ADGRL4: variants seen among roughly 807,000 people sequenced by gnomAD.
The protein encoded by ADGRL4 is EGF, latrophilin and seven transmembrane domain containing 1.
ADGRL4 carries 90 observed loss-of-function variants against 74.8 expected under a neutral mutation model. The observed-to-expected ratio is 1.20, with a 90% CI of 1.02 to 1.43. The LOEUF (loss-of-function observed/expected upper bound fraction) is 1.43. ADGRL4 is among the 40% of genes most tolerant of loss of function. The pLI is 0.00. For missense variants in ADGRL4, 881 were observed against 814.3 expected, an observed-to-expected ratio of 1.08 and a Z score of -1.00; for synonymous variants, 311 against 279.2, an observed-to-expected ratio of 1.11 and a Z score of -1.14.
chr1:78,978,377 T>C (rs1306957557), intron 2 of ADGRL4, among the ~76,000 whole-genome samples: 1 of 151,910 alleles, frequency 6.6e-6, no homozygotes, highest in Non-Finnish European at 1.5e-5. Context: ...TTGTCTACCA[T>C]ATAGCTGACA....
chr1:78,949,271 C>G (rs541525068), intron 2 of ADGRL4, among the ~76,000 whole-genome samples: 1 of 152,090 alleles, frequency 6.6e-6, no homozygotes, highest in East Asian at 1.9e-4. Context: ...GTTGCTTAAC[C>G]CTGAAATATT....
chr1:78,901,585 A>C (rs1416261993), intron 12 of ADGRL4, among the ~76,000 whole-genome samples: 4 of 152,164 alleles, frequency 2.6e-5, no homozygotes. Context: ...TTGAGCCAGC[A>C]CCTGTTAAAC....
chr1:78,996,120 T>C (rs991810655), intron 2 of ADGRL4, among the ~76,000 whole-genome samples: 8 of 152,142 alleles, frequency 5.3e-5, no homozygotes, highest in Admixed American at 5.2e-4. Flanking sequence ...AAAGATAAAG[T>C]AGTGGTTAAA....
chr1:78,958,618 T>C (rs1649880776), intron 2 of ADGRL4, among the ~76,000 whole-genome samples: 1 of 152,184 alleles, frequency 6.6e-6, no homozygotes, highest in African/African-American at 2.4e-5. Flanking sequence ...GAGGAGTTGC[T>C]TCTTATGAAT....
intron 8 of ADGRL4, among the ~76,000 whole-genome samples, chr1:78,924,267 A>T (rs1049129814): frequency 6.6e-6 from 1 of 152,004 alleles, no homozygotes; most frequent in Non-Finnish European, 1.5e-5. Flanking sequence ...AGAAAAATAT[A>T]TTTGTGTGTG....
In ADGRL4 at chr1:78,893,171, C is replaced by T; in HGVS notation, c.1768G>A (p.Gly590Arg). The T allele has an allele frequency of 6.3e-7, 1 of 1,599,472 alleles. No individual in the cohort carries two copies. Among genetic ancestry groups the T allele is most frequent in the Non-Finnish European group, 8.5e-7 (1 of 1,173,590 alleles). ...CGAAAAACTTTGTATATGATGACTC[C>T]AAAAGCCAAGAGATTAACCTGGAAA... is the stretch of plus-strand genomic sequence containing the variant. Reference protein sequence around the residue: ...LIILVNLLAFGVIIYKVFRHT... With the variant: ...LIILVNLLAFRVIIYKVFRHT... Residue 590 changes from glycine to arginine, a missense_variant, in exon 13 of 15, where the codon GGA (glycine) becomes AGA (arginine). Transcript: ENST00000370742.
intron 2 of ADGRL4, among the ~76,000 whole-genome samples, chr1:78,995,553 T>C (rs939552532): frequency 2.0e-5 from 3 of 152,182 alleles, no homozygotes; most frequent in African/African-American, 7.2e-5. Flanking sequence ...TTAACACAAC[T>C]GTGTAATAAA....
At chr1:78,939,320 A>G in intron 3 of ADGRL4, 62 bp from the exon 4 acceptor site, 1 of 1,350,394 alleles carries the variant, frequency 7.4e-7, no homozygotes, top group Non-Finnish European at 9.7e-7. Context: ...TAAGCTGATC[A>G]TATCAATCCC....
At chr1:78,997,955 C>T (rs1650751555) in intron 2 of ADGRL4, among the ~76,000 whole-genome samples, 1 of 152,132 alleles carries the variant, frequency 6.6e-6, no homozygotes, top group Admixed American at 6.5e-5. Flanking sequence ...AGAGTTGCTT[C>T]CAGGCAGATG....
chr1:78,934,247 C>T (rs1003349796), intron 7 of ADGRL4, among the ~76,000 whole-genome samples: 1 of 151,898 alleles, frequency 6.6e-6, no homozygotes, highest in African/African-American at 2.4e-5. Flanking sequence ...GAAATAACAC[C>T]ACACATCTAC....
At chr1:78,998,200 G>A (rs1036374001) in intron 2 of ADGRL4, among the ~76,000 whole-genome samples, 2 of 151,284 alleles carry the variant, frequency 1.3e-5, no homozygotes, top group Admixed American at 1.3e-4. Context: ...ACGCTGCTTT[G>A]AGAATTTCAC....
chr1:78,946,510 A>ATT, intron 2 of ADGRL4, 84 bp from the exon 3 acceptor site: 3 of 1,162,630 alleles, frequency 2.6e-6, no homozygotes, highest in Non-Finnish European at 3.6e-6. Flanking sequence ...TGGAATATTG[A>ATT]CTGTTAGATA....
intron 10 of ADGRL4, among the ~76,000 whole-genome samples, chr1:78,918,318 C>T (rs1457321217): frequency 6.6e-6 from 1 of 151,724 alleles, no homozygotes; most frequent in Non-Finnish European, 1.5e-5. Context: ...ATATATTTAT[C>T]TTATGTGATA....
chr1:78,973,847 A>G (rs960297634), intron 2 of ADGRL4, among the ~76,000 whole-genome samples: 3 of 151,974 alleles, frequency 2.0e-5, no homozygotes, highest in Non-Finnish European at 4.4e-5. Context: ...CCCCTTTTCA[A>G]TAATGCCAGG....
rs1428122520 is a variant in ADGRL4 at position 78,927,053 on chromosome 1, C to T, written c.916G>A (p.Gly306Ser). The T allele has an allele frequency of 6.2e-7, 1 of 1,605,548 alleles. No homozygotes were observed. The highest frequency in any genetic ancestry group is 1.3e-5 in the African/African-American group (1 of 74,640). ...TTGTCAGATGATGAAAGCAAAGGAC[C>T]AATACTCTTATAATATACAAATGCA... ...AVAFVYYKSI[G>S]PLLSSSDNFL... Residue 306 changes from glycine (G) to serine (S), a missense_variant, in exon 8 of 15, where the codon GGT (glycine) becomes AGT (serine). Gly to Ser is a moderately conservative substitution (Grantham distance 56, BLOSUM62 0). Transcript: ENST00000370742.
intron 2 of ADGRL4, among the ~76,000 whole-genome samples, chr1:78,959,461 A>G (rs1459151065): frequency 3.9e-5 from 6 of 152,278 alleles, no homozygotes; most frequent in African/African-American, 1.4e-4. Context: ...ATAGTTTTTA[A>G]ACCGGACTCA....
At chr1:78,960,442 A>C (rs1649927118) in intron 2 of ADGRL4, among the ~76,000 whole-genome samples, 4 of 152,182 alleles carry the variant, frequency 2.6e-5, no homozygotes, top group Admixed American at 6.6e-5. Flanking sequence ...ATCTTGAAAC[A>C]ATAATTATAG....
intron 2 of ADGRL4, among the ~76,000 whole-genome samples, chr1:78,989,922 C>G (rs1031781907): frequency 4.0e-5 from 6 of 151,840 alleles, no homozygotes; most frequent in African/African-American, 1.2e-4. Context: ...GATGCCAGGA[C>G]CAGGGTTTGA....
At chr1:78,992,231 T>A (rs1204084478) in intron 2 of ADGRL4, among the ~76,000 whole-genome samples, 1 of 152,064 alleles carries the variant, frequency 6.6e-6, no homozygotes, top group Non-Finnish European at 1.5e-5. Flanking sequence ...GTTTGAACAG[T>A]TAACATTCTG....
Sources: allele counts gnomAD v4.1 joint callset (sites outside exome capture counted in the v4.1 genomes callset), GRCh38; gene constraint gnomAD v4.1.1; transcripts MANE v1.5; gene names NCBI Gene and HGNC (gene_info 2026-07-23, HGNC 2026-07-21).